The following SHB variants were observed in gnomAD, a reference collection of about 807,000 sequenced individuals.
The protein encoded by SHB is SH2 domain containing adaptor protein B.
A neutral mutation model predicts 52.3 loss-of-function variants in SHB; 20 were observed. The ratio of observed to expected loss-of-function variants is 0.38; its 90% CI spans 0.27 to 0.56. The LOEUF (loss-of-function observed/expected upper bound fraction) is 0.56. SHB is among the 20% of genes least tolerant of loss of function. SHB has a pLI of 0.71. For missense variants in SHB, 825 were observed against 723.3 expected, an observed-to-expected ratio of 1.14 and a Z score of -1.61; for synonymous variants, 397 against 316.5, an observed-to-expected ratio of 1.25 and a Z score of -2.70.
chr9:37,920,123 C>G, intron 5 of SHB, 119 bp from the exon 6 acceptor site: 1 of 761,778 alleles, frequency 1.3e-6, no homozygotes, highest in African/African-American at 1.7e-5. Flanking sequence ...GTGAGCTGCA[C>G]CTCTCCAAGC....
intron 1 of SHB, among the ~76,000 whole-genome samples, chr9:38,039,709 T>C (rs1587258536): frequency 1.3e-5 from 2 of 152,230 alleles, no homozygotes; most frequent in East Asian, 1.9e-4. Flanking sequence ...AGCCCTGATA[T>C]AAGAAGTACC....
intron 3 of SHB, 106 bp downstream of exon 3, chr9:37,974,516 G>A (rs1422133104): frequency 7.5e-6 from 7 of 933,396 alleles, no homozygotes; most frequent in African/African-American, 1.7e-5. Flanking sequence ...CCACCCAACT[G>A]GATTATTAAA....
At chr9:38,059,023 G>A (rs932328356) in intron 1 of SHB, among the ~76,000 whole-genome samples, 2 of 152,214 alleles carry the variant, frequency 1.3e-5, no homozygotes, top group African/African-American at 4.8e-5. Flanking sequence ...AAGCTCAGGG[G>A]AGCATAGACT....
At chr9:38,020,889 A>G (rs535972262) in intron 1 of SHB, among the ~76,000 whole-genome samples, 51 of 152,336 alleles carry the variant, frequency 3.3e-4, no homozygotes, top group Admixed American at 3.1e-3. Context: ...TTTGAAACCC[A>G]CAGCAGCTTT....
rs1170625268 is a variant in SHB at position 37,915,913 on chromosome 9, T to G, written c.*3908A>C. ...AGACAAATGGTAAACAAGACACTTG[T>G]AGTATATTAAGAGCTTCACATTAAA... On this transcript the variant is annotated 3_prime_UTR_variant, in exon 6 of 6. Coordinates refer to ENST00000377707, the MANE Select transcript of SHB (RefSeq NM_003028.3). Among the ~76,000 whole-genome samples the G allele has an allele frequency of 6.6e-6, 1 of 152,114 alleles. No individual in the cohort carries two copies. The highest frequency in any genetic ancestry group is 1.5e-5 in the Non-Finnish European group (1 of 68,016).
At chr9:37,939,398 CT>C (rs1474092462) in intron 5 of SHB, among the ~76,000 whole-genome samples, 1 of 152,214 alleles carries the variant, frequency 6.6e-6, no homozygotes, top group Non-Finnish European at 1.5e-5. Flanking sequence ...TCTGTTTCCT[CT>C]TCTGTAAAGT....
chr9:38,035,342 G>A (rs1270258626), intron 1 of SHB, among the ~76,000 whole-genome samples: 1 of 151,888 alleles, frequency 6.6e-6, no homozygotes, highest in African/African-American at 2.4e-5. Context: ...AGCGGGTTGA[G>A]CACTTGGCAA....
chr9:37,981,722 T>C (rs1004471371), intron 2 of SHB, among the ~76,000 whole-genome samples: 24 of 152,206 alleles, frequency 1.6e-4, no homozygotes, highest in Non-Finnish European at 4.4e-5. Context: ...TCCCTTTCCT[T>C]TGAACATGTA....
chr9:37,955,153 G>A (rs1409625190), intron 4 of SHB, among the ~76,000 whole-genome samples: 1 of 152,190 alleles, frequency 6.6e-6, no homozygotes, highest in Non-Finnish European at 1.5e-5. Flanking sequence ...TTACACTTAG[G>A]GGAAAGGATT....
At chr9:38,049,473 C>T (rs886833514) in intron 1 of SHB, among the ~76,000 whole-genome samples, 5 of 151,734 alleles carry the variant, frequency 3.3e-5, no homozygotes, top group South Asian at 4.2e-4. Context: ...TGGCTGGGTG[C>T]GGTGAGGCGC....
intron 2 of SHB, among the ~76,000 whole-genome samples, chr9:37,994,518 G>A (rs1425129108): frequency 1.3e-5 from 2 of 152,228 alleles, no homozygotes; most frequent in African/African-American, 4.8e-5. Context: ...TGGCTCTGCC[G>A]CCTACCAGCC....
intron 3 of SHB, among the ~76,000 whole-genome samples, chr9:37,963,638 T>C (rs1431000719): frequency 6.6e-6 from 1 of 151,428 alleles, no homozygotes; most frequent in Non-Finnish European, 1.5e-5. Context: ...GAAAGGTGGG[T>C]GAGAGTGGGG....
chr9:38,019,469 C>A (rs867677812), intron 1 of SHB, among the ~76,000 whole-genome samples: 1 of 152,248 alleles, frequency 6.6e-6, no homozygotes, highest in Non-Finnish European at 1.5e-5. Flanking sequence ...AGAAACTTCA[C>A]TTTGTGATAG....
intron 2 of SHB, among the ~76,000 whole-genome samples, chr9:37,979,731 C>G (rs549088285): frequency 1.3e-5 from 2 of 152,032 alleles, no homozygotes; most frequent in Non-Finnish European, 2.9e-5. Context: ...CCAAGGTGGG[C>G]AGATCACTTG....
chr9:37,936,255 G>A (rs986920497), intron 5 of SHB, among the ~76,000 whole-genome samples: 2 of 151,990 alleles, frequency 1.3e-5, no homozygotes, highest in Non-Finnish European at 2.9e-5. Context: ...CATTATAAAA[G>A]AGATTCACTG....
Position 38,068,013 on chromosome 9 carries a change from G to A in SHB, c.633C>T (p.Ser211=), listed in dbSNP as rs763080015. ...GTTTCTTGCCTCCGCAGGCCGTCGG[G>A]CTCCAGGTGCGGCCGCCCGCGCAGG... ...GGACAGGRTW[S]PTACGGKKLL... is the part of the protein sequence containing the mutation. Residue 211 remains serine (S), a synonymous_variant, in exon 1 of 6, where the codon AGC becomes AGT. Coordinates refer to ENST00000377707, the MANE Select transcript of SHB (RefSeq NM_003028.3). The A allele has an allele frequency of 4.0e-5, 61 of 1,518,426 alleles. No homozygotes were observed. Among genetic ancestry groups the A allele is most frequent in the Non-Finnish European group, 4.9e-5 (56 of 1,141,604 alleles). The allele number at this position is 1,518,426 out of a possible 1,614,324, so 94.1% of individuals were successfully genotyped here.
intron 5 of SHB, among the ~76,000 whole-genome samples, chr9:37,937,134 T>C (rs1832381019): frequency 6.6e-6 from 1 of 152,242 alleles, no homozygotes; most frequent in African/African-American, 2.4e-5. Context: ...CCTACTGTCC[T>C]GTCTCCTTGT....
intron 5 of SHB, among the ~76,000 whole-genome samples, chr9:37,942,672 T>A (rs1832447692): frequency 6.6e-6 from 1 of 152,224 alleles, no homozygotes; most frequent in African/African-American, 2.4e-5. Context: ...CTCAGGAAGG[T>A]GCAGTACCTT....
chr9:37,986,804 A>T (rs1473146379), intron 2 of SHB, among the ~76,000 whole-genome samples: 1 of 152,222 alleles, frequency 6.6e-6, no homozygotes, highest in Non-Finnish European at 1.5e-5. Context: ...TGTGCTGCAG[A>T]GAGCCAGGGC....
Sources: allele counts gnomAD v4.1 joint callset (sites outside exome capture counted in the v4.1 genomes callset), GRCh38; gene constraint gnomAD v4.1.1; transcripts MANE v1.5; gene names NCBI Gene and HGNC (gene_info 2026-07-23, HGNC 2026-07-21).